Variants in GRID2 observed in about 807,000 individuals in gnomAD.
GRID2 encodes the protein glutamate ionotropic receptor delta type subunit 2, also known as glutamate receptor ionotropic, delta-2.
Under a neutral mutation model 114.8 loss-of-function variants are expected in GRID2, and 33 were observed. The ratio of observed to expected loss-of-function variants is 0.29; its 90% CI spans 0.22 to 0.38. The LOEUF is 0.38. GRID2 is among the 10% of genes least tolerant of loss of function. GRID2 has a pLI of 1.00. For missense variants in GRID2, 1,184 were observed against 1,257.7 expected, an observed-to-expected ratio of 0.94 and a Z score of 0.89; for synonymous variants, 505 against 449.9, an observed-to-expected ratio of 1.12 and a Z score of -1.55.
chr4:92,427,263 A>G (rs1226532721), intron 1 of GRID2, among the ~76,000 whole-genome samples: 1 of 152,120 alleles, frequency 6.6e-6, no homozygotes, highest in Non-Finnish European at 1.5e-5. Flanking sequence ...CCTTATCAGT[A>G]TTTAGACGAC....
chr4:93,719,698 CTGGA>C (rs1729194177), intron 14 of GRID2, among the ~76,000 whole-genome samples: 1 of 152,192 alleles, frequency 6.6e-6, no homozygotes, highest in Admixed American at 6.6e-5. Context: ...CCACTCATCA[CTGGA>C]CCTAAATGTT....
intron 2 of GRID2, among the ~76,000 whole-genome samples, chr4:92,826,929 G>C (rs1028597573): frequency 1.3e-5 from 2 of 151,982 alleles, no homozygotes; most frequent in African/African-American, 2.4e-5. Context: ...GATACTATCA[G>C]TTCATTGAGA....
intron 1 of GRID2, among the ~76,000 whole-genome samples, chr4:92,394,998 C>G (rs537383932): frequency 6.6e-6 from 1 of 151,548 alleles, no homozygotes; most frequent in Admixed American, 6.6e-5. Flanking sequence ...TTAATTCTAT[C>G]CATAATATGC....
At chr4:92,602,717 G>A (rs115672490) in intron 2 of GRID2, among the ~76,000 whole-genome samples, 1 of 152,066 alleles carries the variant, frequency 6.6e-6, no homozygotes, top group Non-Finnish European at 1.5e-5. Flanking sequence ...AATCAGGCAA[G>A]GGAAAGAAAT....
At chr4:93,090,287 GA>G (rs1168646911) in intron 3 of GRID2, among the ~76,000 whole-genome samples, 1 of 152,132 alleles carries the variant, frequency 6.6e-6, no homozygotes, top group Non-Finnish European at 1.5e-5. Context: ...CAAATACTAT[GA>G]ACCACTGAAG....
intron 1 of GRID2, among the ~76,000 whole-genome samples, chr4:92,519,235 C>T (rs1054618387): frequency 4.0e-5 from 6 of 151,680 alleles, no homozygotes; most frequent in Non-Finnish European, 5.9e-5. Flanking sequence ...ACCTGAGAAG[C>T]ATTTGCCTAA....
chr4:93,212,832 G>A (rs1743708857), intron 5 of GRID2, among the ~76,000 whole-genome samples: 1 of 151,680 alleles, frequency 6.6e-6, no homozygotes, highest in South Asian at 2.1e-4. Flanking sequence ...GAGTACAATG[G>A]CGCGATCTTG....
intron 1 of GRID2, among the ~76,000 whole-genome samples, chr4:92,444,590 A>G (rs80196768): frequency 6.6e-6 from 1 of 152,180 alleles, no homozygotes; most frequent in Non-Finnish European, 1.5e-5. Context: ...ACTTTAGGCC[A>G]TCTGGGAGTA....
chr4:92,918,479 G>A (rs1578467886), intron 2 of GRID2, among the ~76,000 whole-genome samples: 1 of 152,138 alleles, frequency 6.6e-6, no homozygotes, highest in African/African-American at 2.4e-5. Context: ...TATGATATTG[G>A]CTGTGGGTTT....
intron 12 of GRID2, among the ~76,000 whole-genome samples, chr4:93,493,720 T>G (rs1727254459): frequency 6.6e-6 from 1 of 151,746 alleles, no homozygotes; most frequent in Non-Finnish European, 1.5e-5. Context: ...GAGAAGCCTG[T>G]CTCAAATTTT....
intron 13 of GRID2, among the ~76,000 whole-genome samples, chr4:93,598,902 T>A (rs1025364812): frequency 6.6e-6 from 1 of 152,178 alleles, no homozygotes; most frequent in Non-Finnish European, 1.5e-5. Context: ...ACTGTAATTA[T>A]TTTTTATTTA....
At chr4:92,481,442 A>C (rs28377698) in intron 1 of GRID2, among the ~76,000 whole-genome samples, 1 of 152,162 alleles carries the variant, frequency 6.6e-6, no homozygotes, top group African/African-American at 2.4e-5. Context: ...CAATTATCTC[A>C]GCACCATTTA....
chr4:93,306,370 C>T (rs1279766089), intron 8 of GRID2: 1 of 152,194 alleles, frequency 6.6e-6, no homozygotes, highest in African/African-American at 2.4e-5. Context: ...AATTCCCCTA[C>T]ACTATGTTGG....
chr4:92,346,804 A>T (rs1237660484), intron 1 of GRID2, among the ~76,000 whole-genome samples: 2 of 152,206 alleles, frequency 1.3e-5, no homozygotes, highest in African/African-American at 2.4e-5. Context: ...ATATGCAATT[A>T]AAAAATTCAT....
At chr4:93,247,659 C>A (rs987073703) in intron 8 of GRID2, among the ~76,000 whole-genome samples, 1 of 151,920 alleles carries the variant, frequency 6.6e-6, no homozygotes, top group Non-Finnish European at 1.5e-5. Context: ...CTCTAGTTTC[C>A]AGATAGCTAA....
At chr4:93,149,008 GA>G (rs922799850) in intron 4 of GRID2, among the ~76,000 whole-genome samples, 3 of 152,042 alleles carry the variant, frequency 2.0e-5, no homozygotes, top group Non-Finnish European at 4.4e-5. Context: ...GTTTCAGTAA[GA>G]AATAGAGGAA....
intron 1 of GRID2, among the ~76,000 whole-genome samples, chr4:92,464,908 T>A (rs1238077485): frequency 5.3e-5 from 8 of 152,100 alleles, no homozygotes; most frequent in Admixed American, 3.9e-4. Flanking sequence ...GGGGGCAGAT[T>A]TCCCCCTTGG....
At chr4:92,535,414 T>C (rs776752465) in intron 1 of GRID2, among the ~76,000 whole-genome samples, 5 of 152,170 alleles carry the variant, frequency 3.3e-5, no homozygotes, top group African/African-American at 1.2e-4. Context: ...AACAACTATC[T>C]TTATTACTGA....
chr4:93,710,304 C>T (rs906116014), intron 14 of GRID2, among the ~76,000 whole-genome samples: 2 of 152,232 alleles, frequency 1.3e-5, no homozygotes, highest in African/African-American at 4.8e-5. Flanking sequence ...ACCCCAAGCC[C>T]AGTAATGCTG....
Sources: allele counts gnomAD v4.1 joint callset (sites outside exome capture counted in the v4.1 genomes callset), GRCh38; gene constraint gnomAD v4.1.1; transcripts MANE v1.5; gene names NCBI Gene and HGNC (gene_info 2026-07-23, HGNC 2026-07-21).